Variants in KHDRBS2 observed in about 807,000 individuals in gnomAD.
The protein encoded by KHDRBS2 is KH domain-containing, RNA-binding, signal transduction-associated protein 2.
A neutral mutation model predicts 44.3 loss-of-function variants in KHDRBS2; 26 were observed. The ratio of observed to expected loss-of-function variants is 0.59; its 90% CI spans 0.43 to 0.81. KHDRBS2 has a LOEUF of 0.81. Among genes scored for constraint, KHDRBS2 ranks in the 40% least tolerant of loss-of-function variants. KHDRBS2 has a pLI of 0.00. For synonymous variants in KHDRBS2, 194 were observed against 151.1 expected, an observed-to-expected ratio of 1.28 and a Z score of -2.08; for missense variants, 476 against 433.1, an observed-to-expected ratio of 1.10 and a Z score of -0.88.
intron 1 of KHDRBS2, among the ~76,000 whole-genome samples, chr6:62,242,911 A>G (rs1349178446): frequency 6.6e-6 from 1 of 152,156 alleles, no homozygotes; most frequent in Non-Finnish European, 1.5e-5. Context: ...ATACTTTGTC[A>G]GGTGCCACAA....
intron 8 of KHDRBS2, among the ~76,000 whole-genome samples, chr6:61,681,420 T>C (rs1766281345): frequency 6.6e-6 from 1 of 151,724 alleles, no homozygotes; most frequent in Non-Finnish European, 1.5e-5. Context: ...TATTAAACAA[T>C]CAAAATAAAA....
At chr6:61,939,630 G>A (rs760790160) in intron 4 of KHDRBS2, among the ~76,000 whole-genome samples, 28 of 152,122 alleles carry the variant, frequency 1.8e-4, no homozygotes, top group Admixed American at 2.6e-4. Flanking sequence ...GGGTATGACC[G>A]TAAATTATCC....
At chr6:61,751,721 G>C (rs1473069695) in intron 6 of KHDRBS2, among the ~76,000 whole-genome samples, 1 of 152,154 alleles carries the variant, frequency 6.6e-6, no homozygotes. Context: ...GCTAGAGAAA[G>C]TATTAATTTC....
intron 4 of KHDRBS2, among the ~76,000 whole-genome samples, chr6:61,937,032 TCTTGATTCTCTCCCTGACTTCCTATTGGA>T (rs1398162687): frequency 3.9e-5 from 6 of 152,052 alleles, no homozygotes; most frequent in Non-Finnish European, 7.4e-5. Context: ...GGCCCCATTT[TCTTGATTCTCTCCCTGACTTCCTATTGGA>T]CATGTATAGG....
chr6:62,155,634 C>A (rs764791572), intron 2 of KHDRBS2, among the ~76,000 whole-genome samples: 7 of 152,158 alleles, frequency 4.6e-5, no homozygotes, highest in Non-Finnish European at 7.4e-5. Flanking sequence ...GTAAAGTATG[C>A]ATGCATCATT....
At chr6:61,812,148 C>G (rs1210777964) in intron 6 of KHDRBS2, among the ~76,000 whole-genome samples, 1 of 151,866 alleles carries the variant, frequency 6.6e-6, no homozygotes, top group Non-Finnish European at 1.5e-5. Flanking sequence ...TCCTTTATAA[C>G]CACAGTGACT....
intron 3 of KHDRBS2, among the ~76,000 whole-genome samples, chr6:62,008,609 C>T (rs1455181268): frequency 2.0e-5 from 3 of 152,134 alleles, no homozygotes; most frequent in Non-Finnish European, 4.4e-5. Context: ...GGCTCTGTGT[C>T]CCCATGCACA....
chr6:62,233,071 A>G (rs936755065), intron 1 of KHDRBS2, among the ~76,000 whole-genome samples: 4 of 152,266 alleles, frequency 2.6e-5, no homozygotes, highest in African/African-American at 9.6e-5. Context: ...TGCTTGGAAA[A>G]TGTCACATAA....
intron 1 of KHDRBS2, among the ~76,000 whole-genome samples, chr6:62,271,658 T>C (rs1840109918): frequency 6.6e-6 from 1 of 152,058 alleles, no homozygotes; most frequent in African/African-American, 2.4e-5. Flanking sequence ...GACTGTGAAA[T>C]TGATGATCCT....
the KHDRBS2 span, among the ~76,000 whole-genome samples, chr6:61,668,887 T>A: frequency 6.6e-6 from 1 of 151,070 alleles, no homozygotes; most frequent in Admixed American, 6.6e-5. Context: ...ATTTTTGCAG[T>A]CACACAGACT....
At chr6:62,137,148 C>T (rs1236264919) in intron 2 of KHDRBS2, among the ~76,000 whole-genome samples, 4 of 151,746 alleles carry the variant, frequency 2.6e-5, no homozygotes, top group South Asian at 4.1e-4. Flanking sequence ...CTACAGGCAC[C>T]CGCCACCATG....
At chr6:62,082,261 A>T (rs1015326609) in intron 2 of KHDRBS2, among the ~76,000 whole-genome samples, 5 of 152,000 alleles carry the variant, frequency 3.3e-5, no homozygotes, top group African/African-American at 9.7e-5. Flanking sequence ...CTGACAAGAA[A>T]AAGGGCCAAA....
chr6:61,639,068 A>G, the KHDRBS2 span, among the ~76,000 whole-genome samples: 274 of 152,236 alleles, frequency 1.8e-3, 2 homozygotes, highest in African/African-American at 6.4e-3. Context: ...TGCTGTAAAT[A>G]TTTGAAAATG....
chr6:61,843,166 G>T (rs1305090532), intron 6 of KHDRBS2, among the ~76,000 whole-genome samples: 1 of 151,904 alleles, frequency 6.6e-6, no homozygotes. Context: ...GCTAGGGATT[G>T]GGGGCGGTGG....
chr6:62,166,495 C>T (rs542620512), intron 2 of KHDRBS2, among the ~76,000 whole-genome samples: 1 of 152,110 alleles, frequency 6.6e-6, no homozygotes, highest in South Asian at 2.1e-4. Flanking sequence ...AAAGTTACTC[C>T]TAATTTCTCT....
At chr6:61,699,245 G>A (rs953580818) in intron 7 of KHDRBS2, among the ~76,000 whole-genome samples, 5 of 151,634 alleles carry the variant, frequency 3.3e-5, no homozygotes, top group East Asian at 1.9e-4. Context: ...ATAAAACCAC[G>A]TCACAATTTA....
chr6:62,126,541 G>A (rs1441409626), intron 2 of KHDRBS2, among the ~76,000 whole-genome samples: 1 of 152,134 alleles, frequency 6.6e-6, no homozygotes, highest in African/African-American at 2.4e-5. Flanking sequence ...CCAGTGCTAG[G>A]CTGGCTTCAG....
intron 1 of KHDRBS2, among the ~76,000 whole-genome samples, chr6:62,201,131 A>T (rs543038280): frequency 6.6e-6 from 1 of 152,088 alleles, no homozygotes; most frequent in East Asian, 1.9e-4. Context: ...TATACCTAAT[A>T]TTAAATGGTG....
intron 6 of KHDRBS2, among the ~76,000 whole-genome samples, chr6:61,762,508 C>T (rs1779421902): frequency 6.6e-6 from 1 of 152,016 alleles, no homozygotes; most frequent in African/African-American, 2.4e-5. Context: ...CTATAAGTTC[C>T]CACTAGAGCT....
Sources: gnomAD v4.1 joint callset for allele counts (sites outside exome capture counted in the v4.1 genomes callset) on GRCh38, gnomAD v4.1.1 for gene constraint, MANE v1.5 for transcripts, NCBI Gene and HGNC (gene_info 2026-07-23, HGNC 2026-07-21) for gene names.